Variants in EIF3A observed in about 807,000 individuals in gnomAD.
The protein encoded by EIF3A is eukaryotic translation initiation factor 3 subunit A.
Under a neutral mutation model 186.6 loss-of-function variants are expected in EIF3A, and 21 were observed. The observed-to-expected ratio is 0.11, with a 90% CI of 0.08 to 0.16. The LOEUF (loss-of-function observed/expected upper bound fraction) is 0.16, where lower values mean the gene tolerates loss of function less well. Among genes scored for constraint, EIF3A ranks in the 10% least tolerant of loss-of-function variants. The pLI is 1.00. For synonymous variants in EIF3A, 563 were observed against 584.3 expected, an observed-to-expected ratio of 0.96 and a Z score of 0.52; for missense variants, 1,306 against 1,796.3, an observed-to-expected ratio of 0.73 and a Z score of 4.93.
rs769290054 is a variant in EIF3A at position 119,042,636 on chromosome 10, T to A, written c.2884A>T (p.Met962Leu). The A allele has an allele frequency of 3.1e-6, 5 of 1,614,074 alleles. No homozygotes were observed. The highest frequency in any genetic ancestry group is 2.7e-5 in the African/African-American group (2 of 74,928). ...PDDDRVPRRG[M>L]DDDRGPRRGP... ...CGTCTAGGGCCTCTGTCATCATCCA[T>A]GCCACGCCGGGGAACCCGATCATCG... Residue 962 changes from methionine to leucine, a missense_variant, in exon 19 of 22, where the codon ATG (methionine) becomes TTG (leucine). This residue lies in a region of EIF3A where 410 missense variants were observed against 473.5 expected (regional missense o/e 0.87). Transcript: ENST00000369144. The surrounding 1 kb of genome is among the most constrained non-coding windows in gnomAD (Gnocchi z 7.8).
chr10:119,059,153 G>T, intron 11 of EIF3A, 59 bp downstream of exon 11: 2 of 1,345,498 alleles, frequency 1.5e-6, no homozygotes, highest in Non-Finnish European at 2.1e-6. Context: ...AAAAGACATG[G>T]CATGGCGTTA....
At chr10:119,037,080 A>G in intron 21 of EIF3A, 39 bp downstream of exon 21, 10 of 360,976 alleles carry the variant, frequency 2.8e-5, no homozygotes, top group Non-Finnish European at 5.5e-5. Context: ...CCCAGAAACG[A>G]CAGTTCTCCA....
At chr10:119,037,442 C>T in intron 20 of EIF3A, 133 bp from the exon 21 acceptor site, 1 of 742,848 alleles carries the variant, frequency 1.3e-6, no homozygotes, top group South Asian at 1.9e-5. Context: ...CCTGACCTTA[C>T]CTGATGCCTG....
At chr10:119,061,085 AAAG>A (rs1233706901) in intron 8 of EIF3A, 136 bp downstream of exon 8, 2 of 571,624 alleles carry the variant, frequency 3.5e-6, no homozygotes, top group Non-Finnish European at 6.1e-6. Flanking sequence ...CTCTTGAAAT[AAAG>A]AAAAAAGACA....
At chr10:119,072,542 T>C (rs1326532824) in intron 4 of EIF3A, among the ~76,000 whole-genome samples, 2 of 152,156 alleles carry the variant, frequency 1.3e-5, no homozygotes, top group African/African-American at 4.8e-5. Context: ...AACCTCCGCC[T>C]CCTGGGTTCA....
rs1848117753 is a variant in EIF3A at position 119,035,647 on chromosome 10, A to G, written c.*392T>C. 6.0e-6 allele frequency: 1 copy of G among 166,408 alleles called. No homozygotes were observed. Among genetic ancestry groups the G allele is most frequent in the African/African-American group, 2.4e-5 (1 of 41,548 alleles). 10.3% of individuals were successfully genotyped at this position (166,408 alleles called of 1,614,324 possible). A position where few individuals can be genotyped will look rare whatever the true frequency, so the allele number is the denominator to read the frequency against. The stretch of plus-strand genomic sequence containing the variant: ...ACTGCTTTAAAGGGTCTTCAAATAT[A>G]TTTTAACAGAACCTTACTTCATTCC... On this transcript the variant is annotated 3_prime_UTR_variant, in exon 22 of 22. Coordinates refer to ENST00000369144, the MANE Select transcript of EIF3A (RefSeq NM_003750.4).
At chr10:119,056,175 C>T (rs1843780647) in intron 14 of EIF3A, among the ~76,000 whole-genome samples, 1 of 152,176 alleles carries the variant, frequency 6.6e-6, no homozygotes, top group Non-Finnish European at 1.5e-5. Flanking sequence ...CATTTGTAAA[C>T]CATGCTTTTG....
chr10:119,040,039 T>C (rs2119817501), intron 19 of EIF3A, among the ~76,000 whole-genome samples: 1 of 152,208 alleles, frequency 6.6e-6, no homozygotes, highest in Middle Eastern at 3.4e-3. Context: ...AAAGAAAAAT[T>C]AAATGTCTTA....
In EIF3A at chr10:119,038,597, G is replaced by T. The variant is rs74826910; in HGVS notation, c.3527-158C>A. On this transcript the variant is annotated intron_variant, in intron 19 of 21. Coordinates refer to ENST00000369144, the MANE Select transcript of EIF3A (RefSeq NM_003750.4). ...CTAAAGCTGTGTACATCACTGCACA[G>T]ACATCATTAACAGTATCTTAAACTT... Among the ~76,000 whole-genome samples, 822 of 152,238 alleles carry T rather than the reference G, an allele frequency of 5.4e-3. 8 individuals are homozygous for T. Among genetic ancestry groups the T allele is most frequent in the African/African-American group, 0.018 (768 of 41,536 alleles).
Position 119,080,810 on chromosome 10 carries a change from C to G in EIF3A, c.-134G>C. 1 of 1,420,508 alleles carries G rather than the reference C, an allele frequency of 7.0e-7. No individual in the cohort carries two copies. Among genetic ancestry groups the G allele is most frequent in the Non-Finnish European group, 9.2e-7 (1 of 1,085,386 alleles). The allele number at this position is 1,420,508 out of a possible 1,614,324, so 88.0% of individuals were successfully genotyped here. On this transcript the variant is annotated 5_prime_UTR_variant, in exon 1 of 22. Transcript: ENST00000369144. ...TCGCCCGCGCCCAGCCGGCCAGAGACGGAAAGGAAGGAGCCACGTGACCTC... is the reference window on the plus strand; with the variant it reads ...TCGCCCGCGCCCAGCCGGCCAGAGAGGGAAAGGAAGGAGCCACGTGACCTC...
At position 119,080,632 on chromosome 10, in the gene EIF3A, G is replaced by A; in HGVS notation, c.45C>T (p.Ala15=). 1 of 1,593,942 alleles carries A rather than the reference G, an allele frequency of 6.3e-7. No homozygotes were observed. The highest frequency in any genetic ancestry group is 8.5e-7 in the Non-Finnish European group (1 of 1,171,740). ...FQRPENALKR[A]NEFLEVGKKQ... ...GCGCCCCGATCAGCTACTCACCGTT[G>A]GCGCGTTTGAGGGCATTTTCCGGCC... is the stretch of plus-strand genomic sequence containing the variant. The change falls in exon 1 of 22, where the codon GCC becomes GCT. Residue 15 remains alanine, a synonymous_variant. Coordinates refer to ENST00000369144, the MANE Select transcript of EIF3A (RefSeq NM_003750.4).
chr10:119,035,214 A>C lies in EIF3A; in HGVS notation c.*825T>G. ...TTGAAAGAATCTATCTTCAAAAGAA[A>C]GAAAATTAGGAAAGAGAATTTAAAC... On this transcript the variant is annotated 3_prime_UTR_variant, in exon 22 of 22. Transcript: ENST00000369144. The C allele has an allele frequency of 6.6e-6, 1 of 152,500 alleles. No homozygotes were observed. The highest frequency in any genetic ancestry group is 1.5e-5 in the Non-Finnish European group (1 of 68,002). 9.4% of individuals were successfully genotyped at this position (152,500 alleles called of 1,614,324 possible).
chr10:119,056,019 A>C (rs1265176470), intron 14 of EIF3A, among the ~76,000 whole-genome samples: 5 of 152,172 alleles, frequency 3.3e-5, no homozygotes, highest in African/African-American at 9.7e-5. Context: ...TAGGCCCATT[A>C]ATCTCCAAGG....
intron 14 of EIF3A, among the ~76,000 whole-genome samples, chr10:119,054,635 C>T (rs376091610): frequency 3.3e-5 from 5 of 149,300 alleles, no homozygotes; most frequent in Admixed American, 2.0e-4. Flanking sequence ...GGCTGAGGCA[C>T]GAGAATCACT....
chr10:119,046,834 GT>G (rs1821150760), intron 17 of EIF3A, among the ~76,000 whole-genome samples: 1 of 152,174 alleles, frequency 6.6e-6, no homozygotes, highest in South Asian at 2.1e-4. Flanking sequence ...GCACATGCCT[GT>G]AATCCCACCT....
chr10:119,041,027 A>AC, intron 19 of EIF3A, among the ~76,000 whole-genome samples: 1 of 150,340 alleles, frequency 6.7e-6, no homozygotes, highest in African/African-American at 2.5e-5. Flanking sequence ...AAAAAAAAAA[A>AC]ATTAGCCATG....
chr10:119,043,115 C>CA (rs1848236171), intron 18 of EIF3A, among the ~76,000 whole-genome samples: 1 of 151,742 alleles, frequency 6.6e-6, no homozygotes, highest in South Asian at 2.1e-4. Flanking sequence ...AAAACCCCAT[C>CA]ACTATAAAGA....
intron 6 of EIF3A, among the ~76,000 whole-genome samples, chr10:119,066,054 T>G (rs552810326): frequency 1.3e-5 from 2 of 151,370 alleles, no homozygotes; most frequent in East Asian, 3.9e-4. Context: ...AGGCGGAGCT[T>G]GCAGTGAGCC....
chr10:119,071,066 T>A lies in EIF3A; in HGVS notation c.561A>T (p.Gln187His). ...IAQQAFKFCLQYTRKAEFRKL... is the reference protein window; with the variant it reads ...IAQQAFKFCLHYTRKAEFRKL... ...TACGGAATTCAGCCTTACGCGTGTA[T>A]TGGAGGCAGAATTTGAAAGCTATAA... Residue 187 changes from glutamine to histidine, a missense_variant, in exon 5 of 22, where the codon CAA (glutamine) becomes CAT (histidine). Coordinates refer to ENST00000369144, the MANE Select transcript of EIF3A (RefSeq NM_003750.4). 1 of 1,613,736 alleles carries A rather than the reference T, an allele frequency of 6.2e-7. No individual in the cohort carries two copies.
Sources: gnomAD v4.1 joint callset for allele counts (sites outside exome capture counted in the v4.1 genomes callset) on GRCh38, gnomAD v4.1.1 for gene constraint, gnomAD v4.1.1 regional missense constraint, Gnocchi (gnomAD v3.1) non-coding constraint, MANE v1.5 for transcripts, NCBI Gene and HGNC (gene_info 2026-07-23, HGNC 2026-07-21) for gene names.